NCOR2: variants seen among roughly 807,000 people sequenced by gnomAD.
NCOR2 encodes the protein nuclear receptor corepressor 2, also known as CTG repeat protein 26.
NCOR2 carries 81 observed loss-of-function variants against 262.9 expected under a neutral mutation model. The observed-to-expected ratio is 0.31, with a 90% CI of 0.26 to 0.37. The LOEUF (loss-of-function observed/expected upper bound fraction) is 0.37, where lower values mean the gene tolerates loss of function less well. Among genes scored for constraint, NCOR2 ranks in the 10% least tolerant of loss-of-function variants. NCOR2 has a pLI of 1.00. For synonymous variants in NCOR2, 1,659 were observed against 1,559.3 expected (o/e 1.06, Z -1.51); for missense variants, 3,385 against 3,621.4 (o/e 0.93, Z 1.68).
At chr12:124,510,426 C>A (rs1423816245) in intron 1 of NCOR2, among the ~76,000 whole-genome samples, 1 of 152,240 alleles carries the variant, frequency 6.6e-6, no homozygotes. Flanking sequence ...CAGTCCCCAA[C>A]ACAACACTTG....
chr12:124,438,560 G>T lies in NCOR2; in HGVS notation c.816-564C>A, dbSNP rs530431684. On this transcript the variant is annotated intron_variant, in intron 7 of 46. Coordinates refer to ENST00000405201, the Ensembl canonical transcript of NCOR2. ...CATGGACTTCAGGAAACCCCCGGGC[G>T]GGGGCGGTCTCAGACTTCAGGGCAG... Among the ~76,000 whole-genome samples the T allele has an allele frequency of 1.3e-3, 193 of 149,950 alleles. 2 individuals are homozygous for T. The highest frequency in any genetic ancestry group is 6.8e-3 in the Middle Eastern group (2 of 292).
chr12:124,444,001 T>C (rs1248626306), intron 7 of NCOR2, among the ~76,000 whole-genome samples: 1 of 152,078 alleles, frequency 6.6e-6, no homozygotes, highest in African/African-American at 2.4e-5. Context: ...CTACTCCCTA[T>C]TGCCTCACAC....
intron 1 of NCOR2, among the ~76,000 whole-genome samples, chr12:124,522,689 A>G (rs1282869930): frequency 2.0e-5 from 3 of 152,186 alleles, no homozygotes; most frequent in African/African-American, 7.2e-5. Flanking sequence ...CAAAGCCAAG[A>G]CCTCAAAGTG....
intron 1 of NCOR2, among the ~76,000 whole-genome samples, chr12:124,532,482 G>A (rs2050857296): frequency 6.6e-6 from 1 of 152,230 alleles, no homozygotes; most frequent in South Asian, 2.1e-4. Context: ...CTTGGGTCCT[G>A]CAAGGGGGCT....
At position 124,355,499 on chromosome 12, in the gene NCOR2, G is replaced by A. The variant is rs761508712; in HGVS notation, c.3314C>T (p.Pro1105Leu). The change falls in exon 24 of 47, where the codon CCG becomes CTG. Residue 1105 changes from proline (P) to leucine (L), a missense_variant. Coordinates refer to ENST00000405201, the Ensembl canonical transcript of NCOR2. ...CTTGGCAGAGGAGATGAGGGGAGGC[G>A]GGTTGGAGATGGTGGGTGGGCGCGG... 26 of 1,610,282 alleles carry A rather than the reference G, an allele frequency of 1.6e-5. No individual in the cohort carries two copies. The highest frequency in any genetic ancestry group is 8.4e-5 in the Admixed American group (5 of 59,472).
exon 20 of NCOR2, chr12:124,372,442 G>A: frequency 1.3e-6 from 2 of 1,533,304 alleles, no homozygotes; most frequent in Non-Finnish European, 1.7e-6. Flanking sequence ...GGCCGGGGTG[G>A]GCTCAGTGGG....
At chr12:124,410,549 C>T (rs1248766690) in intron 13 of NCOR2, among the ~76,000 whole-genome samples, 2 of 151,946 alleles carry the variant, frequency 1.3e-5, no homozygotes, top group Non-Finnish European at 2.9e-5. Flanking sequence ...CTCTGGCAGG[C>T]CTGGGAAAGT....
intron 1 of NCOR2, among the ~76,000 whole-genome samples, chr12:124,560,352 T>G (rs2137291202): frequency 6.6e-6 from 1 of 152,370 alleles, no homozygotes; most frequent in African/African-American, 2.4e-5. Flanking sequence ...AACAAAACTT[T>G]ATTTATGGAC....
intron 12 of NCOR2, among the ~76,000 whole-genome samples, chr12:124,421,655 T>C (rs2043209084): frequency 6.6e-6 from 1 of 152,128 alleles, no homozygotes; most frequent in African/African-American, 2.4e-5. Context: ...CAAGCTGGGG[T>C]GGGCAGGTCC....
chr12:124,343,375 G>C, intron 32 of NCOR2, 149 bp from the exon 35 acceptor site: 1 of 622,016 alleles, frequency 1.6e-6, no homozygotes, highest in Non-Finnish European at 2.7e-6. Flanking sequence ...TTTGCTCACT[G>C]ACTCATTTGC....
At chr12:124,444,994 T>C (rs903410204) in intron 7 of NCOR2, among the ~76,000 whole-genome samples, 4 of 152,146 alleles carry the variant, frequency 2.6e-5, no homozygotes, top group Admixed American at 6.5e-5. Context: ...GGGTTCTGAC[T>C]GATCCCCCTT....
At chr12:124,499,035 G>A (rs1470974978), upstream of NCOR2, among the ~76,000 whole-genome samples, 3 of 152,270 alleles carry the variant, frequency 2.0e-5, no homozygotes, top group Admixed American at 2.0e-4. Flanking sequence ...GGGCAGTGAT[G>A]CAAAGGTTTT....
At chr12:124,335,022 A>G in intron 40 of NCOR2, 113 bp downstream of exon 42, 2 of 1,528,730 alleles carry the variant, frequency 1.3e-6, no homozygotes, top group Non-Finnish European at 1.8e-6. Flanking sequence ...CATGCCCTGG[A>G]TCCCCCAGCC....
chr12:124,530,669 T>C (rs1346101231), intron 1 of NCOR2, among the ~76,000 whole-genome samples: 2 of 152,150 alleles, frequency 1.3e-5, no homozygotes, highest in East Asian at 3.9e-4. Context: ...GCTAGCTAGG[T>C]CACGTAGGGC....
chr12:124,486,657 C>A, intron 1 of NCOR2, 89 bp from the exon 4 acceptor site: 1 of 1,444,828 alleles, frequency 6.9e-7, no homozygotes, highest in Non-Finnish European at 9.2e-7. Flanking sequence ...CCGTGGACTC[C>A]CTGCTCAGGC....
intron 44 of NCOR2, among the ~76,000 whole-genome samples, chr12:124,330,563 T>G (rs1011976804): frequency 6.6e-6 from 1 of 152,092 alleles, no homozygotes; most frequent in Non-Finnish European, 1.5e-5. Context: ...AGAAGCAAGG[T>G]GAGTTTCCAG....
chr12:124,332,149 TG>T, intron 43 of NCOR2, 169 bp downstream of exon 45: 1 of 764,998 alleles, frequency 1.3e-6, no homozygotes, highest in Non-Finnish European at 2.1e-6. Context: ...GAAACTGCCC[TG>T]GGGCTCCCCA....
At chr12:124,534,243 G>A (rs1274028186) in intron 1 of NCOR2, among the ~76,000 whole-genome samples, 1 of 152,138 alleles carries the variant, frequency 6.6e-6, no homozygotes, top group Non-Finnish European at 1.5e-5. Context: ...GATCACTTGA[G>A]GTCAGGAGTT....
Position 124,363,818 on chromosome 12 carries a change from C to A in NCOR2, c.2808-19G>T. 2.3e-6 allele frequency: 3 copies of A among 1,331,302 alleles called. No homozygotes were observed. Among genetic ancestry groups the A allele is most frequent in the Non-Finnish European group, 2.9e-6 (3 of 1,035,962 alleles). The allele number at this position is 1,331,302 out of a possible 1,614,324, so 82.5% of individuals were successfully genotyped here. On this transcript the variant is annotated intron_variant, in intron 20 of 46. Transcript: ENST00000405201. The stretch of plus-strand genomic sequence containing the variant: ...CAGCAGCCTGCGGGCACACGAGCAC[C>A]ATCAGCTGGGGGCCCACAGCCGGAC...
Sources: gnomAD v4.1 joint callset for allele counts (sites outside exome capture counted in the v4.1 genomes callset) on GRCh38, gnomAD v4.1.1 for gene constraint, MANE v1.5 for transcripts, NCBI Gene and HGNC (gene_info 2026-07-23, HGNC 2026-07-21) for gene names.